The following ABCC3 variants were observed in gnomAD, a reference collection of about 807,000 sequenced individuals.
ABCC3 encodes ATP-binding cassette sub-family C member 3.
A neutral mutation model predicts 165.3 loss-of-function variants in ABCC3; 121 were observed. The observed-to-expected ratio is 0.73, with a 90% CI of 0.63 to 0.85. The LOEUF (loss-of-function observed/expected upper bound fraction) is 0.85. Among genes scored for constraint, ABCC3 ranks in the 40% least tolerant of loss-of-function variants. The pLI is 0.00. For synonymous variants in ABCC3, 733 were observed against 810.1 expected, an observed-to-expected ratio of 0.90 and a Z score of 1.62; for missense variants, 1,869 against 1,964.1, an observed-to-expected ratio of 0.95 and a Z score of 0.92.
chr17:50,675,832 C>A (rs1376781875), intron 21 of ABCC3, 51 bp from the exon 22 acceptor site: 1 of 1,605,276 alleles, frequency 6.2e-7, no homozygotes, highest in Admixed American at 1.7e-5. Flanking sequence ...CCCAGCAGCC[C>A]CAGGGTTTAT....
intron 23 of ABCC3, among the ~76,000 whole-genome samples, chr17:50,676,898 G>A (rs1451109555): frequency 1.7e-5 from 2 of 117,758 alleles, no homozygotes; most frequent in South Asian, 2.4e-4. Flanking sequence ...GGGGGGGGGG[G>A]ACGGAATCTC....
chr17:50,661,613 T>C (rs191979929), intron 8 of ABCC3, among the ~76,000 whole-genome samples: 127 of 152,350 alleles, frequency 8.3e-4, no homozygotes, highest in African/African-American at 2.5e-3. Context: ...AGCTGCCTAG[T>C]AGCTAAGTCC....
At position 50,661,045 on chromosome 17, in the gene ABCC3, G is replaced by A. The variant is rs1597849735; in HGVS notation, c.929G>A (p.Ser310Asn). The change falls in exon 8 of 31, where the codon AGC (serine) becomes AAC (asparagine). Residue 310 changes from serine to asparagine, a missense_variant. Ser to Asn is a conservative substitution (Grantham distance 46). Coordinates refer to ENST00000285238, the MANE Select transcript of ABCC3 (RefSeq NM_003786.4). ...LKALLATFGS[S>N]FLISACFKLI... ...GCCCTGCTGGCCACCTTCGGCTCCA[G>A]CTTCCTCATCAGTGCCTGCTTCAAG... The A allele has an allele frequency of 6.2e-7, 1 of 1,614,080 alleles. No homozygotes were observed. The highest frequency in any genetic ancestry group is 8.5e-7 in the Non-Finnish European group (1 of 1,180,042).
chr17:50,673,900 TTTTCTTTCTTTCTTTCTTTCTTTC>T (rs1396264236), intron 19 of ABCC3, among the ~76,000 whole-genome samples: 1 of 131,622 alleles, frequency 7.6e-6, no homozygotes, highest in African/African-American at 2.8e-5. Flanking sequence ...TCAGAGCCTG[TTTTCTTTCTTTCTTTCTTTCTTTC>T]TTTCTTTCTT....
At chr17:50,658,278 A>G (rs56857095) in intron 5 of ABCC3, 71 bp downstream of exon 5, 2 of 1,609,514 alleles carry the variant, frequency 1.2e-6, no homozygotes, top group African/African-American at 2.7e-5. Context: ...AGCAGCCCCC[A>G]ACCCCTCCAG....
chr17:50,683,542 G>A, intron 26 of ABCC3, 68 bp from the exon 27 acceptor site: 1 of 1,462,628 alleles, frequency 6.8e-7, no homozygotes, highest in Non-Finnish European at 9.0e-7. Flanking sequence ...CCTTGGGGGA[G>A]AGAGACCGAA....
In ABCC3 at chr17:50,663,864, C is replaced by T. The variant is rs1215101682; in HGVS notation, c.1176+6C>T. On this transcript the variant is annotated splice_donor_region_variant and intron_variant, in intron 9 of 30. Coordinates refer to ENST00000285238, the MANE Select transcript of ABCC3 (RefSeq NM_003786.4). ...TGGGTGTCATCTACAGGAAGGTCAG[C>T]TGGAGCAGGGCCCAGGGGAAAGGCT... 6.2e-7 allele frequency: 1 copy of T among 1,614,176 alleles called. No individual in the cohort carries two copies. The highest frequency in any genetic ancestry group is 1.1e-5 in the South Asian group (1 of 91,082).
intron 30 of ABCC3, among the ~76,000 whole-genome samples, chr17:50,688,687 G>C (rs1243832593): frequency 1.3e-5 from 2 of 152,134 alleles, no homozygotes; most frequent in Non-Finnish European, 2.9e-5. Context: ...AGGAGTTCAA[G>C]ACCAGCCTGG....
Position 50,683,942 on chromosome 17 carries a change from C to A in ABCC3, c.3955-7C>A, listed in dbSNP as rs375669164. Reference sequence around the variant, plus strand: ...CCCCCTCAGAGCCCCTTCCCTTCTCCGCCCAGGTGGGGATCGTGGGCCGCA... The same window carrying A: ...CCCCCTCAGAGCCCCTTCCCTTCTCAGCCCAGGTGGGGATCGTGGGCCGCA... On this transcript the variant is annotated splice_polypyrimidine_tract_variant and splice_region_variant and intron_variant, in intron 27 of 30. Coordinates refer to ENST00000285238, the MANE Select transcript of ABCC3 (RefSeq NM_003786.4). 1 of 1,611,986 alleles carries A rather than the reference C, an allele frequency of 6.2e-7. No homozygotes were observed. Among genetic ancestry groups the A allele is most frequent in the Non-Finnish European group, 8.5e-7 (1 of 1,179,206 alleles).
intron 24 of ABCC3, 30 bp downstream of exon 24, chr17:50,677,973 C>G: frequency 6.2e-7 from 1 of 1,614,068 alleles, no homozygotes; most frequent in South Asian, 1.1e-5. Context: ...GCTCCCTGCT[C>G]CTCCAGGAAT....
chr17:50,679,595 G>A, intron 25 of ABCC3: 1 of 512,288 alleles, frequency 2.0e-6, no homozygotes, highest in Non-Finnish European at 3.6e-6. Context: ...CCTTGGTTAA[G>A]TCTGCACTGT....
At position 50,667,775 on chromosome 17, in the gene ABCC3, G is replaced by A. The variant is rs772926004; in HGVS notation, c.1635+18G>A. The A allele has an allele frequency of 2.6e-5, 42 of 1,614,000 alleles. No individual in the cohort carries two copies. The East Asian group carries it at 9.4e-4, about 36-fold the overall frequency. On this transcript the variant is annotated intron_variant, in intron 12 of 30. Transcript: ENST00000285238. ...CCTTCCTGGTGAGGCTTGGCACAGG[G>A]CTGGGTCCCTGCCTCCAGGGCTCTG... is the stretch of plus-strand genomic sequence containing the variant.
In ABCC3 at chr17:50,658,134, T is replaced by G. The variant is rs751408486; in HGVS notation, c.539T>G (p.Leu180Arg). ...ACCACCTTCTACATCCACTTTGCCCTGGTACTCTCTGCCCTCATCTTGGCC... is the reference window on the plus strand; with the variant it reads ...ACCACCTTCTACATCCACTTTGCCCGGGTACTCTCTGCCCTCATCTTGGCC... Reference protein sequence around the residue: ...RFTTFYIHFALVLSALILACF... With the variant: ...RFTTFYIHFARVLSALILACF... Residue 180 changes from leucine to arginine, a missense_variant, in exon 5 of 31, where the codon CTG becomes CGG. By Grantham distance (102) the Leu-to-Arg change is moderately radical. Coordinates refer to ENST00000285238, the MANE Select transcript of ABCC3 (RefSeq NM_003786.4). The G allele has an allele frequency of 1.2e-6, 2 of 1,614,216 alleles. No homozygotes were observed. Among genetic ancestry groups the G allele is most frequent in the Middle Eastern group, 3.3e-4 (2 of 6,062 alleles).
intron 2 of ABCC3, 85 bp from the exon 3 acceptor site, chr17:50,656,617 G>T (rs1967254376): frequency 6.6e-7 from 1 of 1,519,434 alleles, no homozygotes; most frequent in African/African-American, 1.4e-5. Context: ...GTGGATTCTG[G>T]TGGCTTCAGG....
At chr17:50,660,892 C>A (rs1291058786) in intron 7 of ABCC3, 31 bp from the exon 8 acceptor site, 2 of 1,558,166 alleles carry the variant, frequency 1.3e-6, no homozygotes, top group Admixed American at 1.9e-5. Flanking sequence ...GTCCCCATTC[C>A]TAACCCACTG....
chr17:50,645,200 TAA>T (rs564267933), intron 1 of ABCC3, among the ~76,000 whole-genome samples: 42 of 118,238 alleles, frequency 3.6e-4, no homozygotes, highest in Admixed American at 5.1e-4. Context: ...GACTTGGCCT[TAA>T]AAAAAAAAAA....
chr17:50,655,678 G>A lies in ABCC3; in HGVS notation c.46-154G>A, dbSNP rs146229726. On this transcript the variant is annotated intron_variant, in intron 1 of 30. Coordinates refer to ENST00000285238, the MANE Select transcript of ABCC3 (RefSeq NM_003786.4). The stretch of plus-strand genomic sequence containing the variant: ...TCCTTGGAGAATTCACACTTGGGAC[G>A]ACAACTGCTCATTTGTGTACTCTCT... Among the ~76,000 whole-genome samples, 219 of 152,196 alleles carry A rather than the reference G, an allele frequency of 1.4e-3. 1 individual carries two copies. Among genetic ancestry groups the A allele is most frequent in the African/African-American group, 4.8e-3 (200 of 41,530 alleles).
chr17:50,680,142 G>A (rs1160484579), intron 26 of ABCC3, among the ~76,000 whole-genome samples: 3 of 152,214 alleles, frequency 2.0e-5, no homozygotes, highest in Non-Finnish European at 4.4e-5. Context: ...AAGACCTATT[G>A]CAGGGCTTTG....
rs1273982692 is a variant in ABCC3 at position 50,642,499 on chromosome 17, C to T, written c.45+7518C>T. On this transcript the variant is annotated intron_variant, in intron 1 of 30. Transcript: ENST00000285238. ...CGAAACCAAAACACGGGCCTGACAG[C>T]TGGAGGCTCCATCACCCGCTTCCCT... Among the ~76,000 whole-genome samples, 5 of 152,346 alleles carry T rather than the reference C, an allele frequency of 3.3e-5. No homozygotes were observed. In the East Asian group the frequency reaches 9.6e-4, roughly 29 times the overall value.
Sources: gnomAD v4.1 joint callset for allele counts (sites outside exome capture counted in the v4.1 genomes callset) on GRCh38, gnomAD v4.1.1 for gene constraint, MANE v1.5 for transcripts, NCBI Gene and HGNC (gene_info 2026-07-23, HGNC 2026-07-21) for gene names.